The following CNTROB variants were observed in gnomAD, a reference collection of about 807,000 sequenced individuals.
The protein encoded by CNTROB is centrobin.
A neutral mutation model predicts 115.7 loss-of-function variants in CNTROB; 82 were observed. The observed-to-expected ratio is 0.71, with a 90% CI of 0.59 to 0.85. The LOEUF is 0.85. CNTROB is among the 40% of genes least tolerant of loss of function. The probability of loss-of-function intolerance (pLI) is 0.00; values close to 1 mark genes in which losing one functional copy is unlikely to be tolerated. For missense variants in CNTROB, 1,014 were observed against 1,144.4 expected (o/e 0.89, Z 1.64); for synonymous variants, 439 against 456.4 (o/e 0.96, Z 0.49).
In CNTROB at chr17:7,943,668, C is replaced by G; in HGVS notation, c.1445+144C>G. The G allele has an allele frequency of 1.1e-6, 1 of 873,918 alleles. No individual in the cohort carries two copies. The highest frequency in any genetic ancestry group is 2.0e-5 in the South Asian group (1 of 49,806). 54.1% of individuals were successfully genotyped at this position (873,918 alleles called of 1,614,324 possible). A position where few individuals can be genotyped will look rare whatever the true frequency, so the allele number is the denominator to read the frequency against. On this transcript the variant is annotated intron_variant, in intron 10 of 18. Transcript: ENST00000563694. This position sits in a 1 kb window ranked among gnomAD's most constrained non-coding sequence, Gnocchi z 4.7. ...AACTCCCATCAGCTGGGACCTGAGT[C>G]TCTCTCGGGAGGGCTGCCTTCACGC...
Position 7,944,593 on chromosome 17 carries a change from G to C in CNTROB, c.1689G>C (p.Glu563Asp). Residue 563 changes from glutamate to aspartate, a missense_variant, in exon 12 of 19, where the codon GAG (glutamate) becomes GAC (aspartate). Physicochemically the swap from Glu to Asp is conservative, Grantham distance 45. Coordinates refer to ENST00000563694, the MANE Select transcript of CNTROB (RefSeq NM_053051.5). The surrounding 1 kb of genome is among the most constrained non-coding windows in gnomAD (Gnocchi z 4.0). Reference protein sequence around the residue: ...LQAMLQAHWDEANQLLSTTLP... With the variant: ...LQAMLQAHWDDANQLLSTTLP... ...CCATGCTGCAGGCCCACTGGGATGA[G>C]GCCAACCAGCTGCTCAGCACCACTC... 1.2e-6 allele frequency: 2 copies of C among 1,614,048 alleles called. No individual in the cohort carries two copies. Among genetic ancestry groups the C allele is most frequent in the Non-Finnish European group, 1.7e-6 (2 of 1,179,984 alleles).
chr17:7,941,729 A>G (rs35395589), intron 9 of CNTROB, among the ~76,000 whole-genome samples: 76,388 of 147,450 alleles, frequency 0.52, 19,776 homozygotes, highest in East Asian at 0.77. Flanking sequence ...GGAGGCCGAA[A>G]CGGGCAGATT....
In CNTROB at chr17:7,942,648, T is replaced by C. The variant is rs116724052; in HGVS notation, c.1312-743T>C. ...GGTTGAGTTCTTTATAGTAAAATAC[T>C]ATACGTGGAAATCAGATTTTAGTGA... On this transcript the variant is annotated intron_variant, in intron 9 of 18. Transcript: ENST00000563694. Among the ~76,000 whole-genome samples, 1,561 of 147,450 alleles carry C rather than the reference T, an allele frequency of 0.011. 74 individuals are homozygous for C. In the South Asian group the frequency reaches 0.13, roughly 13 times the overall value.
intron 4 of CNTROB, 144 bp downstream of exon 4, chr17:7,935,289 G>C: frequency 7.9e-7 from 1 of 1,270,236 alleles, no homozygotes; most frequent in Non-Finnish European, 1.1e-6. Flanking sequence ...GGATCACGAG[G>C]TCAGGAGATC....
At chr17:7,947,174 AAAAG>A (rs1974644799) in intron 13 of CNTROB, among the ~76,000 whole-genome samples, 1 of 147,890 alleles carries the variant, frequency 6.8e-6, no homozygotes, top group African/African-American at 2.5e-5. Context: ...AAAAAAAAAA[AAAAG>A]AGAGATTAGT....
At position 7,943,518 on chromosome 17, in the gene CNTROB, A is replaced by T. The variant is rs78236778; in HGVS notation, c.1439A>T (p.His480Leu). 0.02 allele frequency: 32,765 copies of T among 1,611,900 alleles called. 434 individuals carry two copies. Among genetic ancestry groups the T allele is most frequent in the Middle Eastern group, 0.058 (344 of 5,942 alleles). The change falls in exon 10 of 19, where the codon CAT becomes CTT. Residue 480 changes from histidine to leucine, a missense_variant. By Grantham distance (99) the His-to-Leu change is moderately conservative (BLOSUM62 -3). Coordinates refer to ENST00000563694, the MANE Select transcript of CNTROB (RefSeq NM_053051.5). This position sits in a 1 kb window ranked among gnomAD's most constrained non-coding sequence, Gnocchi z 4.7. ...SLRQAASLRE[H>L]HRKQLQDLSG... ...CGGCAAGCAGCCTCCCTCAGGGAAC[A>T]TCACAGGTACGTGGGACTCACTGGG...
chr17:7,947,540 T>G (rs1354312241), intron 13 of CNTROB, 31 bp from the exon 14 acceptor site: 5 of 1,571,182 alleles, frequency 3.2e-6, no homozygotes, highest in Non-Finnish European at 4.3e-6. Flanking sequence ...TGAACACACT[T>G]GCACCCACCC....
intron 9 of CNTROB, 74 bp downstream of exon 9, chr17:7,940,316 T>TCGGAAGAGC: frequency 7.3e-7 from 1 of 1,370,066 alleles, no homozygotes; most frequent in Non-Finnish European, 9.8e-7. Flanking sequence ...TCTCAGGAGT[T>TCGGAAGAGC]GTGGCAGACA....
rs2151728278 is a variant in CNTROB, at chr17:7,932,874, C to T, written c.-206C>T. The T allele has an allele frequency of 1.7e-6, 1 of 593,510 alleles. No homozygotes were observed. Among genetic ancestry groups the T allele is most frequent in the South Asian group, 2.1e-5 (1 of 47,294 alleles). 36.8% of individuals were successfully genotyped at this position (593,510 alleles called of 1,614,324 possible). On this transcript the variant is annotated 5_prime_UTR_variant, in exon 1 of 19. Coordinates refer to ENST00000563694, the MANE Select transcript of CNTROB (RefSeq NM_053051.5). ...TTCCCAGGAGCTGGGGAAAGGGATGCTTTTGCCCACTCCCATGGCCCCTGG... is the reference window on the plus strand; with the variant it reads ...TTCCCAGGAGCTGGGGAAAGGGATGTTTTTGCCCACTCCCATGGCCCCTGG...
At position 7,936,690 on chromosome 17, in the gene CNTROB, CCCTA is replaced by C; in HGVS notation, c.712-6_712-3del. ...TTATTTTGAAATTTCATCTTACTTGCCCTACCTAAGACCCTGGCCCGTGTGGTGG... is the reference window on the plus strand; with the variant it reads ...TTATTTTGAAATTTCATCTTACTTGCCCTAAGACCCTGGCCCGTGTGGTGG... On this transcript the variant is annotated splice_polypyrimidine_tract_variant and splice_region_variant and intron_variant, in intron 5 of 18. Transcript: ENST00000563694. 8.4e-7 allele frequency: 1 copy of C among 1,192,658 alleles called. No individual in the cohort carries two copies. The highest frequency in any genetic ancestry group is 1.3e-6 in the Non-Finnish European group (1 of 794,684). 73.9% of individuals were successfully genotyped at this position (1,192,658 alleles called of 1,614,324 possible). A position where few individuals can be genotyped will look rare whatever the true frequency, so the allele number is the denominator to read the frequency against.
chr17:7,942,950 C>T (rs967316000), intron 9 of CNTROB, among the ~76,000 whole-genome samples: 6 of 150,646 alleles, frequency 4.0e-5, no homozygotes, highest in Admixed American at 1.3e-4. Context: ...TACAGGCGCC[C>T]GCCAACACGC....
At chr17:7,933,946 C>T (rs558644937) in intron 1 of CNTROB, among the ~76,000 whole-genome samples, 192 bp from the exon 2 acceptor site, 10 of 152,164 alleles carry the variant, frequency 6.6e-5, no homozygotes, top group Non-Finnish European at 1.5e-4. Context: ...TATACCTCCT[C>T]GATTATTTTA....
Position 7,944,085 on chromosome 17 carries a change from T to A in CNTROB, c.1446-38T>A, listed in dbSNP as rs747651112. 6.4e-7 allele frequency: 1 copy of A among 1,557,304 alleles called. No homozygotes were observed. Among genetic ancestry groups the A allele is most frequent in the Non-Finnish European group, 8.8e-7 (1 of 1,130,714 alleles). ...TTCTCAGTTGGTCACTTCTTCTGTCTCCAGTCTCAGGCCTCTTCTCCTACC... is the reference window on the plus strand; with the variant it reads ...TTCTCAGTTGGTCACTTCTTCTGTCACCAGTCTCAGGCCTCTTCTCCTACC... On this transcript the variant is annotated intron_variant, in intron 10 of 18. Transcript: ENST00000563694. This position sits in a 1 kb window ranked among gnomAD's most constrained non-coding sequence, Gnocchi z 4.0.
Position 7,932,311 on chromosome 17 carries a change from G to GTTTTTT in CNTROB, c.-769_-768insTTTTTT. 1 of 187,562 alleles carries GTTTTTT rather than the reference G, an allele frequency of 5.3e-6. No individual in the cohort carries two copies. The highest frequency in any genetic ancestry group is 1.1e-5 in the Non-Finnish European group (1 of 88,248). The allele number at this position is 187,562 out of a possible 1,614,324, so 11.6% of individuals were successfully genotyped here. On this transcript the variant is annotated 5_prime_UTR_variant, in exon 1 of 19. Coordinates refer to ENST00000563694, the MANE Select transcript of CNTROB (RefSeq NM_053051.5). ...TTGCCCCCCACTTTGGCAAATTGGG[G>GTTTTTT]ACTGAGGACTGGAAGGGTGGAGAGT...
At position 7,944,462 on chromosome 17, in the gene CNTROB, T is replaced by C. The variant is rs766131980; in HGVS notation, c.1572-14T>C. On this transcript the variant is annotated splice_polypyrimidine_tract_variant and intron_variant, in intron 11 of 18. Transcript: ENST00000563694. The surrounding 1 kb of genome is among the most constrained non-coding windows in gnomAD (Gnocchi z 4.0). ...CTTAAAGGCCCTGAGTCACTTCTTC[T>C]CTCTTTGCTTCAGACTGGCCCGGGA... The C allele has an allele frequency of 5.6e-5, 91 of 1,611,216 alleles. No individual in the cohort carries two copies. The highest frequency in any genetic ancestry group is 7.4e-5 in the Non-Finnish European group (87 of 1,177,988).
rs1974779074 is a variant in CNTROB, at chr17:7,948,166, C to T, written c.2219C>T (p.Thr740Ile). The T allele has an allele frequency of 6.2e-7, 1 of 1,614,192 alleles. No homozygotes were observed. Among genetic ancestry groups the T allele is most frequent in the Non-Finnish European group, 8.5e-7 (1 of 1,180,038 alleles). ...TCTTTCCTTTTGCTAGGTCCTCTGA[C>T]TGTCCCATCTTGGGAGGAAGCCCCT... Reference protein sequence around the residue: ...DLLPPKSGPLTVPSWEEAPQV... With the variant: ...DLLPPKSGPLIVPSWEEAPQV... Residue 740 changes from threonine (T) to isoleucine (I), a missense_variant, in exon 16 of 19, where the codon ACT becomes ATT. Physicochemically the swap from Thr to Ile is moderately conservative, Grantham distance 89. Coordinates refer to ENST00000563694, the MANE Select transcript of CNTROB (RefSeq NM_053051.5). This position sits in a 1 kb window ranked among gnomAD's most constrained non-coding sequence, Gnocchi z 4.4.
At position 7,944,783 on chromosome 17, in the gene CNTROB, T is replaced by C. The variant is rs960221347; in HGVS notation, c.1734+145T>C. ...GCCTCGAACTCCTGGGCTCAAGTGATCCTCCCACCTCTAACTCCCAAAGTG... is the reference window on the plus strand; with the variant it reads ...GCCTCGAACTCCTGGGCTCAAGTGACCCTCCCACCTCTAACTCCCAAAGTG... On this transcript the variant is annotated intron_variant, in intron 12 of 18. Coordinates refer to ENST00000563694, the MANE Select transcript of CNTROB (RefSeq NM_053051.5). The surrounding 1 kb of genome is among the most constrained non-coding windows in gnomAD (Gnocchi z 4.0). 1.1e-6 allele frequency: 1 copy of C among 903,128 alleles called. No homozygotes were observed. The highest frequency in any genetic ancestry group is 2.1e-5 in the South Asian group (1 of 48,118). 55.9% of individuals were successfully genotyped at this position (903,128 alleles called of 1,614,324 possible). A position where few individuals can be genotyped will look rare whatever the true frequency, so the allele number is the denominator to read the frequency against.
At chr17:7,946,354 C>T (rs1356719690) in intron 13 of CNTROB, among the ~76,000 whole-genome samples, 1 of 152,208 alleles carries the variant, frequency 6.6e-6, no homozygotes, top group African/African-American at 2.4e-5. Flanking sequence ...CTTCAGTTTA[C>T]ACATGGGTTT....
Position 7,939,854 on chromosome 17 carries a change from A to G in CNTROB, c.1164+105A>G. 1 of 1,205,518 alleles carries G rather than the reference A, an allele frequency of 8.3e-7. No homozygotes were observed. Among genetic ancestry groups the G allele is most frequent in the South Asian group, 1.3e-5 (1 of 74,396 alleles). The allele number at this position is 1,205,518 out of a possible 1,614,324, so 74.7% of individuals were successfully genotyped here. ...ATATGGGGGATACATATAGGCAGGA[A>G]TGGAGAGTAGAGAGCCATGTGTGGG... On this transcript the variant is annotated intron_variant, in intron 8 of 18. Transcript: ENST00000563694. This position sits in a 1 kb window ranked among gnomAD's most constrained non-coding sequence, Gnocchi z 4.4.
Sources: allele counts gnomAD v4.1 joint callset (sites outside exome capture counted in the v4.1 genomes callset), GRCh38; gene constraint gnomAD v4.1.1; non-coding constraint Gnocchi (gnomAD v3.1); transcripts MANE v1.5; gene names NCBI Gene and HGNC (gene_info 2026-07-23, HGNC 2026-07-21).